ADAM17: variants seen among roughly 807,000 people sequenced by gnomAD.
ADAM17 encodes the protein ADAM metallopeptidase domain 17.
ADAM17 carries 39 observed loss-of-function variants against 96.7 expected under a neutral mutation model. That is an observed-to-expected ratio of 0.40 (90% confidence interval 0.31 to 0.53). ADAM17 has a LOEUF of 0.53. Among genes scored for constraint, ADAM17 ranks in the 20% least tolerant of loss-of-function variants. ADAM17 has a pLI of 0.44. For missense variants in ADAM17, 777 were observed against 1,013.2 expected, an observed-to-expected ratio of 0.77 and a Z score of 3.17; for synonymous variants, 344 against 359.2, an observed-to-expected ratio of 0.96 and a Z score of 0.48.
At position 9,502,261 on chromosome 2, in the gene ADAM17, A is replaced by C; in HGVS notation, c.1560T>G (p.Pro520=). The change falls in exon 13 of 19, where the codon CCT becomes CCG. Residue 520 remains proline, a synonymous_variant. Coordinates refer to ENST00000310823, the MANE Select transcript of ADAM17 (RefSeq NM_003183.6). ...TCTCAAACTGACAGTTTTTACAGCA[A>C]GGACTGTTCCTGTCACTGGAGAAGA... ...EGVQCSDRNS[P]CCKNCQFETA... The C allele has an allele frequency of 6.2e-7, 1 of 1,613,812 alleles. No individual in the cohort carries two copies. The highest frequency in any genetic ancestry group is 1.3e-5 in the African/African-American group (1 of 75,024).
chr2:9,515,649 G>A (rs1664014743), intron 10 of ADAM17, among the ~76,000 whole-genome samples: 2 of 150,472 alleles, frequency 1.3e-5, no homozygotes, highest in South Asian at 4.2e-4. Flanking sequence ...AGGCAGAATT[G>A]CTTAAACCTG....
chr2:9,548,614 T>C (rs1665487543), intron 1 of ADAM17, among the ~76,000 whole-genome samples: 1 of 152,212 alleles, frequency 6.6e-6, no homozygotes, highest in African/African-American at 2.4e-5. Context: ...TTCTGGAGTT[T>C]CATATTCTAT....
At chr2:9,506,067 G>A (rs1572906395) in intron 11 of ADAM17, among the ~76,000 whole-genome samples, 1 of 152,196 alleles carries the variant, frequency 6.6e-6, no homozygotes, top group East Asian at 1.9e-4. Context: ...CTCTAAAACT[G>A]CGGTCATTTT....
At position 9,489,026 on chromosome 2, in the gene ADAM17, C is replaced by T. The variant is rs138626956; in HGVS notation, c.*1151G>A. ...TGGAGCAATAAAGTAAGAAGTAATT[C>T]AAATATCTGCTTGTGGGTCAATAAA... On this transcript the variant is annotated 3_prime_UTR_variant, in exon 19 of 19. Transcript: ENST00000310823. The T allele has an allele frequency of 9.8e-4, 149 of 152,268 alleles. No homozygotes were observed. The highest frequency in any genetic ancestry group is 3.4e-3 in the African/African-American group (142 of 41,544). 9.4% of individuals were successfully genotyped at this position (152,268 alleles called of 1,614,324 possible).
In ADAM17 at chr2:9,489,291, A is replaced by T. The variant is rs796345982; in HGVS notation, c.*886T>A. The T allele has an allele frequency of 1.8e-5, 2 of 110,618 alleles. No individual in the cohort carries two copies. Among genetic ancestry groups the T allele is most frequent in the Non-Finnish European group, 3.2e-5 (2 of 63,286 alleles). The allele number at this position is 110,618 out of a possible 1,614,324, so 6.9% of individuals were successfully genotyped here. A position where few individuals can be genotyped will look rare whatever the true frequency, so the allele number is the denominator to read the frequency against. On this transcript the variant is annotated 3_prime_UTR_variant, in exon 19 of 19. Coordinates refer to ENST00000310823, the MANE Select transcript of ADAM17 (RefSeq NM_003183.6). ...TTTTTTTTTTTTTTTTTTGAGGCAG[A>T]GTCTCACTCTGTCACCCAGGCTGGA... is the stretch of plus-strand genomic sequence containing the variant.
Position 9,502,029 on chromosome 2 carries a change from CA to C in ADAM17, c.1648+143del, listed in dbSNP as rs1195749047. The C allele has an allele frequency of 1.1e-5, 8 of 709,384 alleles. No individual in the cohort carries two copies. In the East Asian group the frequency reaches 2.0e-4, roughly 18 times the overall value. The allele number at this position is 709,384 out of a possible 1,614,324, so 43.9% of individuals were successfully genotyped here. Reference sequence around the variant, plus strand: ...TTAAACCCACCAAAGCCAAGTGTCACAAACTAAGGAGTGCCAGAAACTCAAC... The same window carrying C: ...TTAAACCCACCAAAGCCAAGTGTCACAACTAAGGAGTGCCAGAAACTCAAC... On this transcript the variant is annotated intron_variant, in intron 13 of 18. Transcript: ENST00000310823.
intron 10 of ADAM17, among the ~76,000 whole-genome samples, chr2:9,516,630 G>T (rs191080067): frequency 6.0e-4 from 91 of 152,140 alleles, no homozygotes; most frequent in African/African-American, 2.2e-3. Flanking sequence ...ACAGGTGCTT[G>T]TAATCCCAAC....
chr2:9,502,395 C>T, intron 12 of ADAM17, 119 bp from the exon 13 acceptor site: 1 of 779,940 alleles, frequency 1.3e-6, no homozygotes, highest in Non-Finnish European at 2.1e-6. Context: ...CTGGCTCCGT[C>T]ACCCACTCCT....
intron 14 of ADAM17, among the ~76,000 whole-genome samples, chr2:9,496,111 ATTTAT>A (rs1266180617): frequency 2.0e-5 from 3 of 151,670 alleles, no homozygotes; most frequent in Non-Finnish European, 2.9e-5. Context: ...TTTGTCTTTT[ATTTAT>A]TTTATTTTTT....
chr2:9,522,447 G>C (rs1331588252), intron 7 of ADAM17: 1 of 601,004 alleles, frequency 1.7e-6, no homozygotes, highest in African/African-American at 1.8e-5. Context: ...AACTTAAAAA[G>C]AAAATGCGTA....
intron 11 of ADAM17, 192 bp from the exon 12 acceptor site, chr2:9,505,557 A>T (rs2124999680): frequency 1.7e-6 from 1 of 600,320 alleles, no homozygotes; most frequent in East Asian, 2.8e-5. Flanking sequence ...CCTCCATAGA[A>T]TGCTAAATGG....
At chr2:9,501,843 A>C (rs528789399) in intron 13 of ADAM17, among the ~76,000 whole-genome samples, 1 of 152,282 alleles carries the variant, frequency 6.6e-6, no homozygotes, top group South Asian at 2.1e-4. Flanking sequence ...TTAAGGTAGA[A>C]TATCATTTTG....
chr2:9,533,360 A>C (rs1423129346), intron 4 of ADAM17, among the ~76,000 whole-genome samples: 1 of 152,102 alleles, frequency 6.6e-6, no homozygotes, highest in African/African-American at 2.4e-5. Flanking sequence ...CATCCTGGCC[A>C]ACATTGTGAA....
chr2:9,554,516 T>C (rs557400473), intron 1 of ADAM17, among the ~76,000 whole-genome samples: 33 of 152,078 alleles, frequency 2.2e-4, no homozygotes, highest in Non-Finnish European at 4.1e-4. Flanking sequence ...TTCTGTCCAC[T>C]AAATATAAAG....
intron 6 of ADAM17, among the ~76,000 whole-genome samples, chr2:9,523,553 G>A (rs1449247698): frequency 1.3e-5 from 2 of 152,132 alleles, no homozygotes; most frequent in Non-Finnish European, 2.9e-5. Flanking sequence ...TAAAACAATG[G>A]TATAGTTTAA....
At position 9,490,347 on chromosome 2, in the gene ADAM17, C is replaced by T; in HGVS notation, c.2305G>A (p.Asp769Asn). 1 of 1,614,116 alleles carries T rather than the reference C, an allele frequency of 6.2e-7. No homozygotes were observed. The highest frequency in any genetic ancestry group is 2.2e-5 in the East Asian group (1 of 44,862). Residue 769 changes from aspartate to asparagine, a missense_variant, in exon 19 of 19, where the codon GAC becomes AAC. By Grantham distance (23) the Asp-to-Asn change is conservative. Around this residue, in one of 3 missense-constraint regions of ADAM17, gnomAD observed 197 missense variants for 219.4 expected, o/e 0.90. Coordinates refer to ENST00000310823, the MANE Select transcript of ADAM17 (RefSeq NM_003183.6). ...MDTIQEDPSTDSHMDEDGFEK... is the reference protein window; with the variant it reads ...MDTIQEDPSTNSHMDEDGFEK... ...AACCCATCCTCGTCCATATGTGAGT[C>T]TGTGCTGGGGTCTTCCTGGATGGTG...
intron 10 of ADAM17, among the ~76,000 whole-genome samples, chr2:9,515,803 C>T (rs1193382751): frequency 2.0e-5 from 3 of 151,788 alleles, no homozygotes; most frequent in African/African-American, 7.3e-5. Context: ...GTGGCTGTTC[C>T]ATTTTTGCAT....
intron 5 of ADAM17, 94 bp from the exon 6 acceptor site, chr2:9,526,338 C>T (rs145327105): frequency 1.4e-5 from 19 of 1,314,258 alleles, no homozygotes; most frequent in African/African-American, 5.9e-5. Flanking sequence ...TTGAAACAAA[C>T]ATTATGTGAG....
intron 1 of ADAM17, among the ~76,000 whole-genome samples, chr2:9,551,761 A>G (rs576847332): frequency 6.6e-6 from 1 of 152,204 alleles, no homozygotes; most frequent in African/African-American, 2.4e-5. Flanking sequence ...GCCTGGCCTA[A>G]ACAATATTTT....
Sources: allele counts gnomAD v4.1 joint callset (sites outside exome capture counted in the v4.1 genomes callset), GRCh38; gene constraint gnomAD v4.1.1; regional missense constraint gnomAD v4.1.1; transcripts MANE v1.5; gene names NCBI Gene and HGNC (gene_info 2026-07-23, HGNC 2026-07-21).